Variants in DPY19L1 observed in about 807,000 individuals in gnomAD.
DPY19L1 encodes the protein protein C-mannosyl-transferase DPY19L1.
A neutral mutation model predicts 96.9 loss-of-function variants in DPY19L1; 35 were observed. The ratio of observed to expected loss-of-function variants is 0.36; its 90% CI spans 0.28 to 0.48. DPY19L1 has a LOEUF of 0.48. DPY19L1 is among the 20% of genes least tolerant of loss of function. The pLI, the probability that DPY19L1 is intolerant of heterozygous loss-of-function variation, is 0.99. For missense variants in DPY19L1, 521 were observed against 777.9 expected, an observed-to-expected ratio of 0.67 and a Z score of 3.93; for synonymous variants, 205 against 252.6, an observed-to-expected ratio of 0.81 and a Z score of 1.79.
rs574497850 is a variant in DPY19L1, at chr7:34,944,827, G to A, written c.1544+840C>T. Among the ~76,000 whole-genome samples, 8 of 152,214 alleles carry A rather than the reference G, an allele frequency of 5.3e-5. No individual in the cohort carries two copies. The South Asian group carries it at 1.7e-3, about 32-fold the overall frequency. ...TGGAACCTGCAGGGCTAAAGGACAG[G>A]CCCACTATATGTTTTACTGTGTATT... On this transcript the variant is annotated intron_variant, in intron 16 of 21. Coordinates refer to ENST00000638088, the MANE Select transcript of DPY19L1 (RefSeq NM_001366673.1).
At chr7:34,940,635 A>G (rs1783987381) in intron 18 of DPY19L1, 1 of 190,246 alleles carries the variant, frequency 5.3e-6, no homozygotes, top group African/African-American at 2.3e-5. Context: ...TCTCTTGTTA[A>G]AAAATTAAGA....
At chr7:34,949,493 G>C (rs1176673740) in intron 14 of DPY19L1, among the ~76,000 whole-genome samples, 1 of 152,210 alleles carries the variant, frequency 6.6e-6, no homozygotes, top group Non-Finnish European at 1.5e-5. Context: ...GTAAGAGTTT[G>C]AGAGCTTGAC....
At chr7:34,959,914 T>TATATATTTATATATATATATATATAA (rs1562806903) in intron 10 of DPY19L1, among the ~76,000 whole-genome samples, 10 of 10,580 alleles carry the variant, frequency 9.5e-4, no homozygotes, top group African/African-American at 7.7e-3. Flanking sequence ...TATATATATA[T>TATATATTTATATATATATATATATAA]ATATATATAT....
intron 10 of DPY19L1, among the ~76,000 whole-genome samples, chr7:34,959,917 A>ATATT (rs1784461716): frequency 1.7e-4 from 3 of 17,566 alleles, no homozygotes; most frequent in African/African-American, 7.1e-4. Flanking sequence ...ATATATATAT[A>ATATT]TATATATTTA....
intron 7 of DPY19L1, among the ~76,000 whole-genome samples, chr7:34,975,936 G>A (rs1413126988): frequency 2.0e-5 from 3 of 152,184 alleles, no homozygotes; most frequent in Non-Finnish European, 4.4e-5. Flanking sequence ...AAATATTATT[G>A]CTCATTGACA....
intron 8 of DPY19L1, among the ~76,000 whole-genome samples, chr7:34,970,805 C>T (rs936488741): frequency 1.3e-5 from 2 of 148,722 alleles, no homozygotes; most frequent in African/African-American, 5.0e-5. Context: ...TAGCTCTGAC[C>T]CAAGACAACA....
rs141174112 is a variant in DPY19L1, at chr7:34,957,145, G to A, written c.1179+839C>T. Among the ~76,000 whole-genome samples, 450 of 152,046 alleles carry A rather than the reference G, an allele frequency of 3.0e-3. 3 individuals are homozygous for A. Among genetic ancestry groups the A allele is most frequent in the African/African-American group, 0.011 (440 of 41,502 alleles). On this transcript the variant is annotated intron_variant, in intron 11 of 21. Coordinates refer to ENST00000638088, the MANE Select transcript of DPY19L1 (RefSeq NM_001366673.1). ...CGCCTGTAATCCCAGCACTTTGGGA[G>A]GCCGAGGTGGGCAGATCACCTGAGG...
intron 14 of DPY19L1, 76 bp downstream of exon 14, chr7:34,949,721 G>C: frequency 3.4e-6 from 3 of 886,626 alleles, no homozygotes; most frequent in Non-Finnish European, 5.4e-6. Context: ...TAAAGAGTCT[G>C]ATATAAGAGG....
intron 9 of DPY19L1, 121 bp downstream of exon 9, chr7:34,969,312 G>C (rs559524541): frequency 4.1e-6 from 2 of 483,282 alleles, no homozygotes; most frequent in African/African-American, 4.0e-5. Context: ...ATTTTTCCTA[G>C]AAAATGTTTT....
intron 6 of DPY19L1, among the ~76,000 whole-genome samples, chr7:34,997,358 C>T (rs1455370712): frequency 1.4e-5 from 2 of 146,022 alleles, no homozygotes; most frequent in Non-Finnish European, 3.0e-5. Context: ...TTTGGGAGGC[C>T]GAGGCGGGCG....
intron 10 of DPY19L1, among the ~76,000 whole-genome samples, chr7:34,966,674 C>A (rs1649241): frequency 0.046 from 7,046 of 152,214 alleles, 362 homozygotes; most frequent in African/African-American, 0.12. Context: ...TTTACTGATA[C>A]TGCATAAGTT....
In DPY19L1 at chr7:34,985,565, G is replaced by GA. The variant is rs34523693; in HGVS notation, c.822+4318dup. Among the ~76,000 whole-genome samples the GA allele has an allele frequency of 5.4e-3, 791 of 146,050 alleles. 6 individuals are homozygous for GA. The highest frequency in any genetic ancestry group is 0.01 in the Middle Eastern group (3 of 286). On this transcript the variant is annotated intron_variant, in intron 7 of 21. Transcript: ENST00000638088. ...AGATACAAATGGCCAACAGATATAT[G>GA]AAAAAAAAAAATGCTCAGCTTCTCA...
At chr7:35,013,400 A>C (rs1213356376) in intron 4 of DPY19L1, among the ~76,000 whole-genome samples, 168 bp downstream of exon 4, 1 of 152,240 alleles carries the variant, frequency 6.6e-6, no homozygotes, top group East Asian at 1.9e-4. Context: ...CCCTCTCCTC[A>C]AAATCAGTAA....
At chr7:35,015,120 C>T (rs1184064828) in intron 3 of DPY19L1, among the ~76,000 whole-genome samples, 4 of 152,168 alleles carry the variant, frequency 2.6e-5, no homozygotes, top group African/African-American at 9.7e-5. Context: ...TTCTTTATGA[C>T]AGCCCTAGGA....
chr7:35,035,540 G>A (rs1236237001), intron 1 of DPY19L1, among the ~76,000 whole-genome samples: 1 of 152,186 alleles, frequency 6.6e-6, no homozygotes. Context: ...TTAATGTTTA[G>A]TCATTCAATA....
rs1372906294 is a variant in DPY19L1 at position 34,975,569 on chromosome 7, A to G, written c.823-1964T>C. 2.6e-5 allele frequency among the ~76,000 whole-genome samples: 4 copies of G among 152,350 alleles called. No individual in the cohort carries two copies. In the South Asian group the frequency reaches 6.2e-4, roughly 24 times the overall value. ...AAGTTATCCAGAAGATCTAGCTAAC[A>G]TAACTGAGGTAGGTTGCTGCACTAA... On this transcript the variant is annotated intron_variant, in intron 7 of 21. Coordinates refer to ENST00000638088, the MANE Select transcript of DPY19L1 (RefSeq NM_001366673.1).
chr7:34,977,448 T>C (rs529704959), intron 7 of DPY19L1, among the ~76,000 whole-genome samples: 1 of 152,324 alleles, frequency 6.6e-6, no homozygotes, highest in South Asian at 2.1e-4. Flanking sequence ...AACTGAATTA[T>C]ATCCTCTGAA....
chr7:34,990,415 A>G (rs923938203), intron 6 of DPY19L1, among the ~76,000 whole-genome samples: 1 of 152,230 alleles, frequency 6.6e-6, no homozygotes, highest in Non-Finnish European at 1.5e-5. Flanking sequence ...ACCTGCTCCT[A>G]GAAATTCACA....
At chr7:34,945,783 T>C (rs1028300078) in intron 15 of DPY19L1, 67 bp from the exon 16 acceptor site, 2 of 1,043,848 alleles carry the variant, frequency 1.9e-6, no homozygotes, top group South Asian at 2.8e-5. Context: ...AAATAAAGTA[T>C]CTTCTAAACT....
Sources: allele counts gnomAD v4.1 joint callset (sites outside exome capture counted in the v4.1 genomes callset), GRCh38; gene constraint gnomAD v4.1.1; transcripts MANE v1.5; gene names NCBI Gene and HGNC (gene_info 2026-07-23, HGNC 2026-07-21).